PHRF1: variants seen among roughly 807,000 people sequenced by gnomAD.
PHRF1 encodes the protein PHD and ring finger domains 1, also known as PHD and RING finger domain-containing protein 1.
PHRF1 carries 53 observed loss-of-function variants against 128.9 expected under a neutral mutation model. That is an observed-to-expected ratio of 0.41 (90% CI 0.33 to 0.52). The LOEUF is 0.52. Among genes scored for constraint, PHRF1 ranks in the 20% least tolerant of loss-of-function variants. PHRF1 has a pLI of 0.21. For synonymous variants in PHRF1, 1,178 were observed against 980.6 expected (o/e 1.20, Z -3.76); for missense variants, 2,503 against 2,284.5 (o/e 1.10, Z -1.95).
chr11:591,098 G>GT (rs1165260742), intron 4 of PHRF1, among the ~76,000 whole-genome samples: 2 of 152,222 alleles, frequency 1.3e-5, no homozygotes, highest in Non-Finnish European at 2.9e-5. Context: ...AGAGGGGCCT[G>GT]TGCACAATGC....
At chr11:589,309 C>T (rs1412948762) in intron 4 of PHRF1, among the ~76,000 whole-genome samples, 1 of 152,162 alleles carries the variant, frequency 6.6e-6, no homozygotes, top group East Asian at 1.9e-4. Context: ...AGGCCCCTTC[C>T]CTTTCGAGAC....
At chr11:605,073 C>T (rs1443920291) in intron 10 of PHRF1, 46 bp from the exon 11 acceptor site, 1 of 1,553,426 alleles carries the variant, frequency 6.4e-7, no homozygotes, top group Non-Finnish European at 8.8e-7. Flanking sequence ...CTCGTAGATG[C>T]CATCCCCGTC....
At chr11:579,397 G>A (rs1854082835) in intron 1 of PHRF1, among the ~76,000 whole-genome samples, 1 of 152,232 alleles carries the variant, frequency 6.6e-6, no homozygotes, top group Admixed American at 6.5e-5. Context: ...CACAAAGTAG[G>A]AGCAGGGTAG....
At chr11:591,295 G>A (rs1243579015) in intron 4 of PHRF1, 89 bp from the exon 5 acceptor site, 3 of 1,168,362 alleles carry the variant, frequency 2.6e-6, no homozygotes, top group Non-Finnish European at 3.7e-6. Flanking sequence ...GAGGCATTTA[G>A]CAGATACTTG....
rs147836092 is a variant in PHRF1 at position 577,727 on chromosome 11, C to T, written c.-22+1135C>T. Among the ~76,000 whole-genome samples the T allele has an allele frequency of 2.6e-4, 39 of 152,348 alleles. No homozygotes were observed. In the East Asian group the frequency reaches 7.1e-3, roughly 28 times the overall value. On this transcript the variant is annotated intron_variant, in intron 1 of 17. Coordinates refer to ENST00000264555, the MANE Select transcript of PHRF1 (RefSeq NM_001286581.2). ...AGTCGGCCTGAGTTGAGGTGTTGGA[C>T]TTGGCTGCAGGCTTGTTCAGTGCCT...
chr11:580,166 C>T (rs184327851), intron 1 of PHRF1, among the ~76,000 whole-genome samples: 1 of 152,364 alleles, frequency 6.6e-6, no homozygotes, highest in Non-Finnish European at 1.5e-5. Flanking sequence ...CGCTGGATTC[C>T]TGACTCACTC....
chr11:596,081 C>G (rs1230616332), intron 6 of PHRF1, among the ~76,000 whole-genome samples: 1 of 152,184 alleles, frequency 6.6e-6, no homozygotes, highest in Non-Finnish European at 1.5e-5. Context: ...GATCCTAGAA[C>G]AGTTCAGCCC....
In PHRF1 at chr11:581,624, G is replaced by T. The variant is rs1419535506; in HGVS notation, c.94+18G>T. ...TGACTTTGGTGAGCTGCCTAGCGCCGGGTAGGGGCGTCCCCAGGAGGAGCA... is the reference window on the plus strand; with the variant it reads ...TGACTTTGGTGAGCTGCCTAGCGCCTGGTAGGGGCGTCCCCAGGAGGAGCA... On this transcript the variant is annotated intron_variant, in intron 2 of 17. Coordinates refer to ENST00000264555, the MANE Select transcript of PHRF1 (RefSeq NM_001286581.2). 2.5e-6 allele frequency: 4 copies of T among 1,596,482 alleles called. No homozygotes were observed. In the East Asian group the frequency reaches 6.8e-5, roughly 27 times the overall value.
At chr11:589,051 A>G (rs1181804072) in intron 4 of PHRF1, among the ~76,000 whole-genome samples, 1 of 151,642 alleles carries the variant, frequency 6.6e-6, no homozygotes, top group Non-Finnish European at 1.5e-5. Context: ...CAGGAGAATC[A>G]CTTGAACCTG....
At chr11:580,240 A>G (rs997488083) in intron 1 of PHRF1, among the ~76,000 whole-genome samples, 5 of 152,204 alleles carry the variant, frequency 3.3e-5, no homozygotes, top group Non-Finnish European at 5.9e-5. Flanking sequence ...CTGATGAGAA[A>G]TGAACCACGT....
chr11:609,819 T>A, intron 14 of PHRF1, 99 bp downstream of exon 14: 4 of 634,560 alleles, frequency 6.3e-6, no homozygotes, highest in Non-Finnish European at 9.2e-6. Flanking sequence ...GGCCCCGGCC[T>A]CCACCGAGGA....
intron 6 of PHRF1, among the ~76,000 whole-genome samples, chr11:593,707 A>G (rs576336988): frequency 1.3e-5 from 2 of 152,178 alleles, no homozygotes; most frequent in African/African-American, 2.4e-5. Flanking sequence ...CCTCCTCCTC[A>G]TGGCCTGTGG....
At chr11:604,395 C>T (rs1304610200) in intron 10 of PHRF1, among the ~76,000 whole-genome samples, 1 of 152,252 alleles carries the variant, frequency 6.6e-6, no homozygotes, top group African/African-American at 2.4e-5. Context: ...GCTGCCCTGT[C>T]CGCTCTGCCT....
chr11:578,858 A>G (rs1014787589), intron 1 of PHRF1, among the ~76,000 whole-genome samples: 3 of 145,812 alleles, frequency 2.1e-5, no homozygotes, highest in Non-Finnish European at 3.0e-5. Flanking sequence ...GCTGATTCAC[A>G]TTTTTTTTTT....
intron 4 of PHRF1, among the ~76,000 whole-genome samples, chr11:588,610 C>A (rs1051829240): frequency 6.6e-6 from 1 of 152,014 alleles, no homozygotes; most frequent in Non-Finnish European, 1.5e-5. Context: ...AACTCCCAAC[C>A]TCAGGTGATC....
chr11:584,567 G>A (rs1399703499), intron 3 of PHRF1, among the ~76,000 whole-genome samples: 2 of 152,134 alleles, frequency 1.3e-5, no homozygotes, highest in Non-Finnish European at 2.9e-5. Flanking sequence ...GGAGGAGGTG[G>A]CTGGGCAGAG....
chr11:581,032 C>T (rs1358375507), intron 1 of PHRF1, among the ~76,000 whole-genome samples: 3 of 151,954 alleles, frequency 2.0e-5, no homozygotes, highest in Admixed American at 2.0e-4. Context: ...CCATGTTGGT[C>T]AGGCTGGTCT....
intron 16 of PHRF1, 24 bp from the exon 17 acceptor site, chr11:610,930 G>A (rs770734159): frequency 2.1e-5 from 33 of 1,609,222 alleles, no homozygotes; most frequent in Non-Finnish European, 2.3e-5. Flanking sequence ...CTTCCTGGCC[G>A]CATCACACAC....
intron 4 of PHRF1, among the ~76,000 whole-genome samples, chr11:591,131 C>T (rs1395094691): frequency 3.9e-5 from 6 of 152,202 alleles, no homozygotes; most frequent in African/African-American, 1.4e-4. Context: ...TGTCCTTCCT[C>T]CCTTTATTGT....
Sources: gnomAD v4.1 joint callset for allele counts (sites outside exome capture counted in the v4.1 genomes callset) on GRCh38, gnomAD v4.1.1 for gene constraint, MANE v1.5 for transcripts, NCBI Gene and HGNC (gene_info 2026-07-23, HGNC 2026-07-21) for gene names.